Variants in PNPT1 observed in about 807,000 individuals in gnomAD.
PNPT1 encodes polyribonucleotide nucleotidyltransferase 1, mitochondrial.
Under a neutral mutation model 119.5 loss-of-function variants are expected in PNPT1, and 53 were observed. The observed-to-expected ratio is 0.44, with a 90% CI of 0.36 to 0.56. PNPT1 has a LOEUF of 0.56. PNPT1 is among the 20% of genes least tolerant of loss of function. The pLI is 0.00. For missense variants in PNPT1, 948 were observed against 938.5 expected (o/e 1.01, Z -0.13); for synonymous variants, 357 against 322.1 (o/e 1.11, Z -1.16).
At chr2:55,638,642 C>G (rs2104015386) in intron 26 of PNPT1, among the ~76,000 whole-genome samples, 1 of 152,254 alleles carries the variant, frequency 6.6e-6, no homozygotes, top group Non-Finnish European at 1.5e-5. Flanking sequence ...GAGCAAGACC[C>G]TGTCTCAAAA....
At chr2:55,636,950 T>G (rs1047484945) in intron 27 of PNPT1, among the ~76,000 whole-genome samples, 4 of 152,116 alleles carry the variant, frequency 2.6e-5, no homozygotes, top group Non-Finnish European at 5.9e-5. Flanking sequence ...GCACTCATCT[T>G]CCCCTGGAGG....
chr2:55,659,741 C>T (rs1014068327), intron 15 of PNPT1, among the ~76,000 whole-genome samples: 2 of 152,000 alleles, frequency 1.3e-5, no homozygotes, highest in African/African-American at 2.4e-5. Context: ...GCCATGCCTT[C>T]TGTAAGCAAT....
chr2:55,643,419 G>A lies in PNPT1; in HGVS notation c.1913C>T (p.Thr638Ile), dbSNP rs375324746. Reference sequence around the variant, plus strand: ...CGTTTCTTCATCCACCTGACTAATAGTTACACCTTTTAAAAACAAAATGTA... The same window carrying A: ...CGTTTCTTCATCCACCTGACTAATAATTACACCTTTTAAAAACAAAATGTA... ...LKKLQAETGVTISQVDEETFS... is the reference protein window; with the variant it reads ...LKKLQAETGVIISQVDEETFS... Residue 638 changes from threonine to isoleucine, a missense_variant, in exon 24 of 28, where the codon ACT becomes ATT. Physicochemically the swap from Thr to Ile is moderately conservative, Grantham distance 89. Coordinates refer to ENST00000447944, the MANE Select transcript of PNPT1 (RefSeq NM_033109.5). 5.0e-6 allele frequency: 8 copies of A among 1,613,598 alleles called. No homozygotes were observed. Among genetic ancestry groups the A allele is most frequent in the Non-Finnish European group, 6.8e-6 (8 of 1,179,896 alleles).
At chr2:55,644,811 T>C in intron 22 of PNPT1, 91 bp from the exon 23 acceptor site, 1 of 693,428 alleles carries the variant, frequency 1.4e-6, no homozygotes, top group Non-Finnish European at 2.3e-6. Flanking sequence ...TTTTTTTTTT[T>C]GACCTAGACA....
chr2:55,643,518 G>T, intron 23 of PNPT1, 93 bp from the exon 24 acceptor site: 1 of 1,096,152 alleles, frequency 9.1e-7, no homozygotes, highest in East Asian at 2.4e-5. Context: ...GCTGAGGTGG[G>T]AGGATCACTT....
At chr2:55,683,727 G>T in intron 5 of PNPT1, 58 bp downstream of exon 5, 1 of 1,442,714 alleles carries the variant, frequency 6.9e-7, no homozygotes, top group Non-Finnish European at 9.7e-7. Flanking sequence ...ATATTACAGA[G>T]ATTCATTAAG....
intron 1 of PNPT1, among the ~76,000 whole-genome samples, chr2:55,688,237 A>T (rs1697478353): frequency 6.6e-6 from 1 of 151,924 alleles, no homozygotes; most frequent in Non-Finnish European, 1.5e-5. Flanking sequence ...ATGAGTTCTT[A>T]CTATATTGTT....
At chr2:55,691,868 A>ATTTTTTTT (rs1697616478) in intron 1 of PNPT1, among the ~76,000 whole-genome samples, 1 of 42,178 alleles carries the variant, frequency 2.4e-5, no homozygotes, top group Non-Finnish European at 5.6e-5. Context: ...ATATATATAT[A>ATTTTTTTT]TATATATATA....
At chr2:55,658,014 G>A (rs1292894987) in intron 15 of PNPT1, among the ~76,000 whole-genome samples, 1 of 151,724 alleles carries the variant, frequency 6.6e-6, no homozygotes, top group Non-Finnish European at 1.5e-5. Context: ...GAGGCAGGCA[G>A]ACTGCTTGAG....
At chr2:55,671,917 C>A in intron 10 of PNPT1, 78 bp downstream of exon 10, 1 of 1,030,206 alleles carries the variant, frequency 9.7e-7, no homozygotes, top group South Asian at 1.5e-5. Context: ...GACTAGCATT[C>A]ATAAAGAAAA....
Position 55,640,689 on chromosome 2 carries a change from C to T in PNPT1, c.2086G>A (p.Val696Ile), listed in dbSNP as rs1304159015. The change falls in exon 26 of 28, where the codon GTA becomes ATA. Residue 696 changes from valine to isoleucine, a missense_variant. Physicochemically the swap from Val to Ile is conservative, Grantham distance 29. Transcript: ENST00000447944. ...ITEIRDTGVM[V>I]KLYPNMTAVL... ...GCAGTCATATTTGGATATAATTTTA[C>T]CATTACACCAGTATCTCTACAAAAA... 6.3e-6 allele frequency: 10 copies of T among 1,579,772 alleles called. No homozygotes were observed. The highest frequency in any genetic ancestry group is 8.7e-6 in the Non-Finnish European group (10 of 1,150,784).
intron 25 of PNPT1, among the ~76,000 whole-genome samples, chr2:55,642,218 T>G (rs546097131): frequency 3.3e-5 from 5 of 151,980 alleles, no homozygotes; most frequent in South Asian, 4.2e-4. Context: ...AAAAAAGAAA[T>G]AAAGAAATAT....
At position 55,646,454 on chromosome 2, in the gene PNPT1, G is replaced by A. The variant is rs756583283; in HGVS notation, c.1635C>T (p.Phe545=). Residue 545 remains phenylalanine, a synonymous_variant, in exon 20 of 28, where the codon TTC becomes TTT. Coordinates refer to ENST00000447944, the MANE Select transcript of PNPT1 (RefSeq NM_033109.5). ...GIEDYNGDMD[F]KIAGTNKGIT... ...TTCCTTTATTAGTGCCAGCTATTTT[G>A]AAGTCCATGTCACCATTGTAATCTT... The A allele has an allele frequency of 3.1e-6, 5 of 1,612,822 alleles. No individual in the cohort carries two copies. The highest frequency in any genetic ancestry group is 3.4e-6 in the Non-Finnish European group (4 of 1,179,600).
At chr2:55,636,490 G>T in intron 27 of PNPT1, 98 bp from the exon 28 acceptor site, 9 of 1,300,618 alleles carry the variant, frequency 6.9e-6, no homozygotes, top group Non-Finnish European at 9.6e-6. Context: ...ATAAGGCAAT[G>T]ATTGTTTTTA....
chr2:55,659,558 T>C (rs1053037058), intron 15 of PNPT1, among the ~76,000 whole-genome samples: 2 of 152,100 alleles, frequency 1.3e-5, no homozygotes, highest in Non-Finnish European at 2.9e-5. Context: ...TTGTCTGCTA[T>C]ACTTTAACTT....
intron 1 of PNPT1, 64 bp downstream of exon 1, chr2:55,693,599 A>C: frequency 6.3e-7 from 1 of 1,589,996 alleles, no homozygotes; most frequent in Non-Finnish European, 8.6e-7. Context: ...TGGGAGATGA[A>C]TACGCTCAAG....
At chr2:55,677,163 C>T (rs768615948) in intron 8 of PNPT1, among the ~76,000 whole-genome samples, 1 of 152,180 alleles carries the variant, frequency 6.6e-6, no homozygotes, top group Non-Finnish European at 1.5e-5. Context: ...CACTCTCAGC[C>T]TCCCTCTACC....
Position 55,656,113 on chromosome 2 carries a change from A to C in PNPT1, c.1441+18T>G, listed in dbSNP as rs903362659. The C allele has an allele frequency of 6.2e-7, 1 of 1,601,038 alleles. No individual in the cohort carries two copies. Among genetic ancestry groups the C allele is most frequent in the Non-Finnish European group, 8.5e-7 (1 of 1,176,188 alleles). ...ATATGGTCTTTTCTACTATGAAAGA[A>C]GTATTTCAATACCATACCATTTGAC... On this transcript the variant is annotated intron_variant, in intron 17 of 27. Transcript: ENST00000447944.
At chr2:55,640,817 T>C (rs1695811693) in intron 25 of PNPT1, 112 bp from the exon 26 acceptor site, 1 of 686,614 alleles carries the variant, frequency 1.5e-6, no homozygotes, top group Non-Finnish European at 2.4e-6. Context: ...AAAGAAACAA[T>C]TCTAGCACGT....
Sources: allele counts gnomAD v4.1 joint callset (sites outside exome capture counted in the v4.1 genomes callset), GRCh38; gene constraint gnomAD v4.1.1; transcripts MANE v1.5; gene names NCBI Gene and HGNC (gene_info 2026-07-23, HGNC 2026-07-21).